Variants in CDH13 observed in about 807,000 individuals in gnomAD.
CDH13 encodes the protein cadherin 13, also known as cadherin-13.
CDH13 carries 24 observed loss-of-function variants against 63.8 expected under a neutral mutation model. The ratio of observed to expected loss-of-function variants is 0.38; its 90% CI spans 0.27 to 0.53. CDH13 has a LOEUF of 0.53. Ranked by LOEUF, CDH13 falls within the 20% of genes least tolerant of loss-of-function variation. The pLI, the probability that CDH13 is intolerant of heterozygous loss-of-function variation, is 0.85. For missense variants in CDH13, 1,049 were observed against 903.1 expected, an observed-to-expected ratio of 1.16 and a Z score of -2.07; for synonymous variants, 503 against 355.3, an observed-to-expected ratio of 1.42 and a Z score of -4.67.
At chr16:83,062,749 T>G (rs2031671681) in intron 3 of CDH13, among the ~76,000 whole-genome samples, 1 of 152,198 alleles carries the variant, frequency 6.6e-6, no homozygotes, top group African/African-American at 2.4e-5. Flanking sequence ...TGGTCATGTT[T>G]CTGTGGGTCA....
intron 6 of CDH13, among the ~76,000 whole-genome samples, chr16:83,401,441 G>A (rs1287414744): frequency 6.6e-6 from 1 of 152,120 alleles, no homozygotes; most frequent in Admixed American, 6.5e-5. Context: ...GAACCTGGGA[G>A]GCAGAGGTTG....
rs141087372 is a variant in CDH13 at position 83,431,096 on chromosome 16, C to G, written c.782-55381C>G. Among the ~76,000 whole-genome samples, 1,254 of 151,700 alleles carry G rather than the reference C, an allele frequency of 8.3e-3. 7 individuals carry two copies. The highest frequency in any genetic ancestry group is 0.013 in the Non-Finnish European group (892 of 67,954). On this transcript the variant is annotated intron_variant, in intron 6 of 13. Transcript: ENST00000567109. ...GGTTTTTTGTTCTTGCGATAGTTTA[C>G]TGAGAATGATGATTTCCAGTTTCAT...
intron 2 of CDH13, among the ~76,000 whole-genome samples, chr16:82,869,485 C>G (rs1051173841): frequency 1.4e-4 from 22 of 151,934 alleles, no homozygotes; most frequent in African/African-American, 5.1e-4. Flanking sequence ...AAAAAAAATT[C>G]TAAAATTTAT....
At chr16:82,788,758 G>A (rs2036146380) in intron 1 of CDH13, among the ~76,000 whole-genome samples, 1 of 152,194 alleles carries the variant, frequency 6.6e-6, no homozygotes, top group Non-Finnish European at 1.5e-5. Context: ...AGTGCCACAT[G>A]ACAAAGAGCC....
At chr16:83,515,447 T>A (rs2074678522) in intron 7 of CDH13, among the ~76,000 whole-genome samples, 1 of 152,218 alleles carries the variant, frequency 6.6e-6, no homozygotes, top group Non-Finnish European at 1.5e-5. Flanking sequence ...CTGCATGTGT[T>A]CAGTCTTTTC....
chr16:83,181,646 G>A (rs950462758), intron 4 of CDH13, among the ~76,000 whole-genome samples: 1 of 152,184 alleles, frequency 6.6e-6, no homozygotes, highest in African/African-American at 2.4e-5. Context: ...GCTGAAAAGA[G>A]GGGGAGAAGA....
chr16:83,714,972 C>T (rs1908662361), intron 10 of CDH13, among the ~76,000 whole-genome samples: 1 of 152,116 alleles, frequency 6.6e-6, no homozygotes, highest in Admixed American at 6.5e-5. Context: ...ACATCATTTG[C>T]GAGCTCAGGT....
intron 3 of CDH13, among the ~76,000 whole-genome samples, chr16:83,078,089 C>G (rs1299629208): frequency 6.6e-6 from 1 of 152,178 alleles, no homozygotes; most frequent in Non-Finnish European, 1.5e-5. Context: ...AGAGTCAGCT[C>G]AAATAGGGAT....
chr16:83,033,619 C>G (rs550002809), intron 3 of CDH13, among the ~76,000 whole-genome samples: 1 of 152,172 alleles, frequency 6.6e-6, no homozygotes, highest in African/African-American at 2.4e-5. Flanking sequence ...TGCTTGTTCC[C>G]TTCCACAGGC....
At chr16:83,368,887 TATATATATATATATA>T (rs1567622073) in intron 6 of CDH13, among the ~76,000 whole-genome samples, 1,429 of 37,974 alleles carry the variant, frequency 0.038, 147 homozygotes, top group Non-Finnish European at 0.052. Context: ...TTCCATGTTA[TATATATATATATATA>T]TATATATATA....
intron 5 of CDH13, among the ~76,000 whole-genome samples, chr16:83,246,809 G>T (rs897326435): frequency 3.9e-5 from 6 of 152,172 alleles, no homozygotes; most frequent in Admixed American, 6.5e-5. Context: ...GATGTGTTCA[G>T]TTGGGACATT....
chr16:83,031,086 T>C (rs117005120), intron 2 of CDH13, among the ~76,000 whole-genome samples: 4,604 of 151,222 alleles, frequency 0.03, 103 homozygotes, highest in Non-Finnish European at 0.044. Context: ...TATACATATA[T>C]GGTGCATGCG....
At chr16:83,777,902 G>C (rs1915232146) in intron 11 of CDH13, among the ~76,000 whole-genome samples, 1 of 152,242 alleles carries the variant, frequency 6.6e-6, no homozygotes, top group South Asian at 2.1e-4. Flanking sequence ...CCATAGGTTA[G>C]ATTAGTACTG....
chr16:83,268,753 T>A (rs1009849605), intron 5 of CDH13, among the ~76,000 whole-genome samples: 3 of 152,238 alleles, frequency 2.0e-5, no homozygotes, highest in Non-Finnish European at 4.4e-5. Context: ...AGGATTTATA[T>A]AGTCCATGAA....
chr16:83,109,373 C>T (rs1236650337), intron 3 of CDH13, among the ~76,000 whole-genome samples: 1 of 152,116 alleles, frequency 6.6e-6, no homozygotes, highest in Non-Finnish European at 1.5e-5. Context: ...TGCAGGAAAC[C>T]CCATGGCTTT....
intron 3 of CDH13, among the ~76,000 whole-genome samples, chr16:83,066,606 T>C (rs2032028905): frequency 6.6e-6 from 1 of 152,228 alleles, no homozygotes; most frequent in African/African-American, 2.4e-5. Flanking sequence ...AAAGTCCATA[T>C]GGTCAGCATT....
chr16:82,775,436 G>A (rs1481637395), intron 1 of CDH13, among the ~76,000 whole-genome samples: 1 of 152,188 alleles, frequency 6.6e-6, no homozygotes, highest in African/African-American at 2.4e-5. Context: ...ACGTAAAATG[G>A]TGTGGGATCA....
At chr16:82,967,390 A>G (rs940590089) in intron 2 of CDH13, among the ~76,000 whole-genome samples, 2 of 152,144 alleles carry the variant, frequency 1.3e-5, no homozygotes, top group African/African-American at 4.8e-5. Context: ...CTTCCCCATT[A>G]GGGTGTATGC....
intron 5 of CDH13, among the ~76,000 whole-genome samples, chr16:83,266,584 C>G (rs1231435032): frequency 6.6e-6 from 1 of 152,180 alleles, no homozygotes; most frequent in Non-Finnish European, 1.5e-5. Context: ...GCATCATCTC[C>G]CCTCTTCACA....
Sources: gnomAD v4.1 joint callset for allele counts (sites outside exome capture counted in the v4.1 genomes callset) on GRCh38, gnomAD v4.1.1 for gene constraint, MANE v1.5 for transcripts, NCBI Gene and HGNC (gene_info 2026-07-23, HGNC 2026-07-21) for gene names.